Variants in CNOT1 observed in about 807,000 individuals in gnomAD.
CNOT1 encodes CCR4-associated factor 1.
CNOT1 carries 15 observed loss-of-function variants against 273.8 expected under a neutral mutation model. The observed-to-expected ratio is 0.05, with a 90% CI of 0.04 to 0.08. The LOEUF (loss-of-function observed/expected upper bound fraction) is 0.08, where lower values mean the gene tolerates loss of function less well. Ranked by LOEUF, CNOT1 falls within the 10% of genes least tolerant of loss-of-function variation. The pLI, the probability that CNOT1 is intolerant of heterozygous loss-of-function variation, is 1.00. For synonymous variants in CNOT1, 1,022 were observed against 1,005.5 expected (o/e 1.02, Z -0.31); for missense variants, 1,644 against 2,912.2 (o/e 0.56, Z 10.02).
At chr16:58,585,777 ACTT>A (rs2041812653) in intron 7 of CNOT1, among the ~76,000 whole-genome samples, 3 of 152,202 alleles carry the variant, frequency 2.0e-5, no homozygotes, top group Admixed American at 6.6e-5. Flanking sequence ...CCTAAATATT[ACTT>A]TAAATTTGCA....
chr16:58,525,321 G>C lies in CNOT1; in HGVS notation c.6642C>G (p.Leu2214=), dbSNP rs892058801. ...CGACATAGAGCACCAGTGCATTGATGAGCTGGAGGTTGTAGCGATTCCCAG... is the reference window on the plus strand; with the variant it reads ...CGACATAGAGCACCAGTGCATTGATCAGCTGGAGGTTGTAGCGATTCCCAG... ...NEPGNRYNLQ[L]INALVLYVGT... The change falls in exon 46 of 49, where the codon CTC becomes CTG. Residue 2214 remains leucine, a synonymous_variant. Transcript: ENST00000317147. 6.2e-7 allele frequency: 1 copy of C among 1,613,806 alleles called. No individual in the cohort carries two copies. The highest frequency in any genetic ancestry group is 8.5e-7 in the Non-Finnish European group (1 of 1,180,054).
rs544222146 is a variant in CNOT1, at chr16:58,583,302, C to G, written c.807-120G>C. 38 of 1,485,876 alleles carry G rather than the reference C, an allele frequency of 2.6e-5. No individual in the cohort carries two copies. The African/African-American group carries it at 5.4e-4, about 21-fold the overall frequency. The allele number at this position is 1,485,876 out of a possible 1,614,324, so 92.0% of individuals were successfully genotyped here. On this transcript the variant is annotated intron_variant, in intron 8 of 48. Coordinates refer to ENST00000317147, the MANE Select transcript of CNOT1 (RefSeq NM_016284.5). ...GTTTTACTAAATAAAACAGGCAGAG[C>G]AGTAAGTGTTATTTCTTGTTACATT... is the stretch of plus-strand genomic sequence containing the variant.
chr16:58,579,682 T>C (rs1437166941), intron 12 of CNOT1, among the ~76,000 whole-genome samples: 1 of 152,094 alleles, frequency 6.6e-6, no homozygotes, highest in Admixed American at 6.5e-5. Flanking sequence ...AAATTGAAGA[T>C]ACATTATGAA....
intron 15 of CNOT1, 30 bp downstream of exon 15, chr16:58,574,977 A>G: frequency 1.2e-6 from 2 of 1,607,056 alleles, no homozygotes; most frequent in Admixed American, 1.7e-5. Context: ...AAAATTTAAG[A>G]GCAAAAATAA....
At chr16:58,570,900 C>T (rs573670603) in intron 16 of CNOT1, among the ~76,000 whole-genome samples, 28 of 151,632 alleles carry the variant, frequency 1.8e-4, no homozygotes, top group African/African-American at 6.8e-4. Flanking sequence ...GTAAGACAGG[C>T]AGTAATGGAA....
At chr16:58,613,367 A>C (rs1312585225) in intron 1 of CNOT1, among the ~76,000 whole-genome samples, 1 of 104,888 alleles carries the variant, frequency 9.5e-6, no homozygotes, top group Non-Finnish European at 2.4e-5. Context: ...AAATCCTTTC[A>C]AAATCGATTT....
At chr16:58,561,585 T>C (rs2040842600) in intron 16 of CNOT1, among the ~76,000 whole-genome samples, 1 of 152,164 alleles carries the variant, frequency 6.6e-6, no homozygotes, top group Non-Finnish European at 1.5e-5. Context: ...TTAAACCAAT[T>C]TTCCTATCTT....
Position 58,529,840 on chromosome 16 carries a change from CAAAAAAAAAA to C in CNOT1, c.6279+396_6279+405del, listed in dbSNP as rs58854069. Reference sequence around the variant, plus strand: ...TGGGTTTCAGAGTGAGACTCTGTCTCAAAAAAAAAAAAAAAAAAAAAAAAAAAAAGATAAA... The same window carrying C: ...TGGGTTTCAGAGTGAGACTCTGTCTCAAAAAAAAAAAAAAAAAAAGATAAA... On this transcript the variant is annotated intron_variant, in intron 43 of 48. Coordinates refer to ENST00000317147, the MANE Select transcript of CNOT1 (RefSeq NM_016284.5). Among the ~76,000 whole-genome samples the C allele has an allele frequency of 5.8e-4, 40 of 69,392 alleles. 1 individual carries two copies. The highest frequency in any genetic ancestry group is 9.7e-4 in the Admixed American group (5 of 5,162). 45.5% of individuals were successfully genotyped at this position (69,392 alleles called of 152,430 possible).
chr16:58,532,196 C>T lies in CNOT1; in HGVS notation c.6059+36G>A, dbSNP rs1189444510. 3 of 1,607,980 alleles carry T rather than the reference C, an allele frequency of 1.9e-6. No homozygotes were observed. In the African/African-American group the frequency reaches 4.0e-5, roughly 22 times the overall value. On this transcript the variant is annotated intron_variant, in intron 41 of 48. Coordinates refer to ENST00000317147, the MANE Select transcript of CNOT1 (RefSeq NM_016284.5). ...CCAAAATTTTACTACATTAATCCAG[C>T]AAACCTTAACACAAAATCGCAAACA...
chr16:58,555,932 A>G (rs368596461), intron 19 of CNOT1, 24 bp from the exon 20 acceptor site: 179 of 1,607,882 alleles, frequency 1.1e-4, no homozygotes, highest in Non-Finnish European at 1.4e-4. Context: ...AAAAGGAATC[A>G]GTGGGCATTT....
chr16:58,628,462 C>A (rs191186601), intron 1 of CNOT1, among the ~76,000 whole-genome samples: 20 of 152,210 alleles, frequency 1.3e-4, no homozygotes, highest in African/African-American at 4.3e-4. Context: ...ATCTGTTTGA[C>A]CTTCCTCCTA....
intron 17 of CNOT1, chr16:58,560,010 C>T: frequency 2.1e-6 from 3 of 1,401,126 alleles, no homozygotes; most frequent in Non-Finnish European, 2.9e-6. Context: ...TGTATATTTC[C>T]TCTTAGAGTC....
intron 2 of CNOT1, among the ~76,000 whole-genome samples, chr16:58,598,580 T>C (rs764312860): frequency 9.3e-5 from 14 of 149,810 alleles, no homozygotes; most frequent in Non-Finnish European, 2.1e-4. Flanking sequence ...GAGGCAGAGA[T>C]TGCAGTAAGA....
chr16:58,576,436 G>A (rs763321371), intron 14 of CNOT1, 27 bp downstream of exon 14: 1 of 1,613,398 alleles, frequency 6.2e-7, no homozygotes, highest in Non-Finnish European at 8.5e-7. Context: ...TAAATAAACT[G>A]GTGTCAGTCT....
chr16:58,572,515 T>C (rs1450133946), intron 16 of CNOT1, among the ~76,000 whole-genome samples: 1 of 151,928 alleles, frequency 6.6e-6, no homozygotes, highest in Non-Finnish European at 1.5e-5. Flanking sequence ...ATACCTGTAA[T>C]GCCAGCTACT....
intron 17 of CNOT1, chr16:58,559,774 GGTT>G (rs755043822): frequency 2.0e-6 from 1 of 502,718 alleles, no homozygotes; most frequent in South Asian, 1.4e-5. Context: ...AGAAGGGGGT[GGTT>G]GATGTCAGGG....
intron 1 of CNOT1, among the ~76,000 whole-genome samples, chr16:58,626,372 A>G (rs2043581449): frequency 7.4e-6 from 1 of 135,536 alleles, no homozygotes; most frequent in South Asian, 2.3e-4. Context: ...CCACCATTGC[A>G]CTCCAGCCTG....
intron 1 of CNOT1, among the ~76,000 whole-genome samples, chr16:58,609,790 T>C (rs1026393555): frequency 1.3e-5 from 2 of 151,996 alleles, no homozygotes; most frequent in African/African-American, 4.8e-5. Context: ...ATTTTACTAT[T>C]CTCATTCCTT....
At chr16:58,550,724 G>A (rs998650922) in intron 24 of CNOT1, among the ~76,000 whole-genome samples, 4 of 152,134 alleles carry the variant, frequency 2.6e-5, no homozygotes, top group African/African-American at 9.7e-5. Flanking sequence ...CAACCCTAAC[G>A]CCCATGTTGC....
Sources: gnomAD v4.1 joint callset for allele counts (sites outside exome capture counted in the v4.1 genomes callset) on GRCh38, gnomAD v4.1.1 for gene constraint, MANE v1.5 for transcripts, NCBI Gene and HGNC (gene_info 2026-07-23, HGNC 2026-07-21) for gene names.